The following TMEM209 variants were observed in gnomAD, a reference collection of about 807,000 sequenced individuals.
TMEM209 encodes the protein testicular tissue protein Li 202.
Under a neutral mutation model 76.2 loss-of-function variants are expected in TMEM209, and 65 were observed. That is an observed-to-expected ratio of 0.85 (90% CI 0.70 to 1.05). The LOEUF (loss-of-function observed/expected upper bound fraction) is 1.05, where lower values mean the gene tolerates loss of function less well. Ranked by LOEUF, TMEM209 falls within the 50% of genes least tolerant of loss-of-function variation. The pLI is 0.00. For synonymous variants in TMEM209, 239 were observed against 237.6 expected (o/e 1.01, Z -0.06); for missense variants, 623 against 685.5 (o/e 0.91, Z 1.02).
At chr7:130,182,372 G>A (rs912071621) in intron 8 of TMEM209, among the ~76,000 whole-genome samples, 2 of 151,836 alleles carry the variant, frequency 1.3e-5, no homozygotes, top group Non-Finnish European at 1.5e-5. Flanking sequence ...ATAATCTTCA[G>A]TTTACATTTG....
intron 1 of TMEM209, 122 bp downstream of exon 1, chr7:130,205,251 A>G: frequency 1.2e-6 from 2 of 1,607,276 alleles, no homozygotes; most frequent in South Asian, 2.2e-5. Context: ...CTTCCCCTAG[A>G]GAGGCGGAAC....
At chr7:130,196,913 A>G (rs1798003428) in intron 5 of TMEM209, among the ~76,000 whole-genome samples, 1 of 152,216 alleles carries the variant, frequency 6.6e-6, no homozygotes, top group Non-Finnish European at 1.5e-5. Context: ...TGGGAATGTA[A>G]GATGGCATAG....
chr7:130,178,392 C>A lies in TMEM209; in HGVS notation c.1246+10G>T. The stretch of plus-strand genomic sequence containing the variant: ...AGCTCTTATTTTTTTCTCTTCAAAT[C>A]AATAATTACCTTTGATCCTTTCAAA... On this transcript the variant is annotated intron_variant, in intron 10 of 14. Coordinates refer to ENST00000397622, the MANE Select transcript of TMEM209 (RefSeq NM_032842.4). 2 of 1,589,216 alleles carry A rather than the reference C, an allele frequency of 1.3e-6. No homozygotes were observed. The highest frequency in any genetic ancestry group is 2.3e-5 in the South Asian group (2 of 86,816).
At chr7:130,201,693 G>A (rs1798206418) in intron 5 of TMEM209, 157 bp downstream of exon 5, 1 of 911,312 alleles carries the variant, frequency 1.1e-6, no homozygotes, top group African/African-American at 1.7e-5. Flanking sequence ...AAGATGTTGT[G>A]TTTAAGATAT....
At chr7:130,179,956 ACTCTGT>A (rs1797356768) in intron 9 of TMEM209, among the ~76,000 whole-genome samples, 3 of 152,112 alleles carry the variant, frequency 2.0e-5, no homozygotes, top group African/African-American at 7.2e-5. Context: ...AAAGAGCGAG[ACTCTGT>A]CTAGAAAACA....
chr7:130,190,199 C>T (rs35865315), intron 6 of TMEM209, among the ~76,000 whole-genome samples: 28,223 of 152,096 alleles, frequency 0.19, 2,989 homozygotes, highest in Middle Eastern at 0.24. Flanking sequence ...AATGTACTTA[C>T]CACCACTTAA....
At chr7:130,187,204 C>T (rs1797629416) in intron 6 of TMEM209, among the ~76,000 whole-genome samples, 1 of 151,856 alleles carries the variant, frequency 6.6e-6, no homozygotes, top group South Asian at 2.1e-4. Context: ...GATCACCCCA[C>T]TGCACTCCAG....
chr7:130,185,214 C>A lies in TMEM209; in HGVS notation c.929G>T (p.Ser310Ile). 1.2e-6 allele frequency: 2 copies of A among 1,613,618 alleles called. No individual in the cohort carries two copies. Among genetic ancestry groups the A allele is most frequent in the Non-Finnish European group, 1.7e-6 (2 of 1,179,674 alleles). ...PCANKDEADL[S>I]SKQAAEEVWA... ...TACCTCTTCTGCGGCTTGTTTAGAGCTGAGATCGGCTTCATCTTTGTTAGC... is the reference window on the plus strand; with the variant it reads ...TACCTCTTCTGCGGCTTGTTTAGAGATGAGATCGGCTTCATCTTTGTTAGC... Residue 310 changes from serine (S) to isoleucine (I), a missense_variant, in exon 7 of 15, where the codon AGC becomes ATC. Ser to Ile is a moderately radical substitution (Grantham distance 142). Coordinates refer to ENST00000397622, the MANE Select transcript of TMEM209 (RefSeq NM_032842.4).
chr7:130,202,511 C>T, intron 4 of TMEM209, 21 bp downstream of exon 4: 1 of 1,583,308 alleles, frequency 6.3e-7, no homozygotes, highest in Middle Eastern at 1.7e-4. Context: ...CCCACCTTTG[C>T]AAGAGATATA....
chr7:130,204,193 G>A (rs181880597), intron 1 of TMEM209, 83 bp from the exon 2 acceptor site: 68 of 1,446,404 alleles, frequency 4.7e-5, no homozygotes, highest in Non-Finnish European at 6.0e-5. Flanking sequence ...CCCTTATAAA[G>A]GTAACTGAAA....
chr7:130,195,547 T>A (rs889549378), intron 5 of TMEM209, among the ~76,000 whole-genome samples: 1 of 152,044 alleles, frequency 6.6e-6, no homozygotes, highest in African/African-American at 2.4e-5. Flanking sequence ...TTAAATGAAC[T>A]CTTGAATATA....
intron 10 of TMEM209, among the ~76,000 whole-genome samples, chr7:130,175,841 T>A (rs1797218600): frequency 6.6e-6 from 1 of 152,032 alleles, no homozygotes; most frequent in Non-Finnish European, 1.5e-5. Flanking sequence ...TTTGGCTTCT[T>A]AAAAAAAGAG....
Position 130,203,788 on chromosome 7 carries a change from C to T in TMEM209, c.199G>A (p.Glu67Lys). ...GTTACAGTGAAAATTACTTACTTAC[C>T]AATATACCAGAGGGGCCAGTATGTC... Reference protein sequence around the residue: ...NVTYWPLWYIELALASLFSLN... With the variant: ...NVTYWPLWYIKLALASLFSLN... The change falls in exon 3 of 15, where the codon GAG (glutamate) becomes AAG (lysine). Residue 67 changes from glutamate to lysine, a missense_variant and splice_region_variant. By Grantham distance (56) the Glu-to-Lys change is moderately conservative. Coordinates refer to ENST00000397622, the MANE Select transcript of TMEM209 (RefSeq NM_032842.4). 6.3e-7 allele frequency: 1 copy of T among 1,599,432 alleles called. No homozygotes were observed. Among genetic ancestry groups the T allele is most frequent in the Admixed American group, 1.7e-5 (1 of 57,874 alleles).
At chr7:130,181,591 G>A in intron 9 of TMEM209, 32 bp downstream of exon 9, 1 of 1,564,200 alleles carries the variant, frequency 6.4e-7, no homozygotes, top group Non-Finnish European at 8.7e-7. Context: ...TTTACTAATA[G>A]AAATCCAACA....
rs1172138922 is a variant in TMEM209, at chr7:130,202,550, A to G, written c.313T>C (p.Leu105=). ...CACTCACCAGCTGTTTTCAACCCTA[A>G]AAGTGTTTGCTGTCCAGGACTAACA... ...LVVSPGQQTL[L]GLKTAVVQTT... Residue 105 remains leucine, a synonymous_variant, in exon 4 of 15, where the codon TTA becomes CTA. Transcript: ENST00000397622. 6 of 1,612,308 alleles carry G rather than the reference A, an allele frequency of 3.7e-6. No individual in the cohort carries two copies. The African/African-American group carries it at 4.0e-5, about 11-fold the overall frequency.
rs750811961 is a variant in TMEM209 at position 130,204,037 on chromosome 7, C to T, written c.77G>A (p.Arg26Lys). The change falls in exon 2 of 15, where the codon AGG becomes AAG. Residue 26 changes from arginine (R) to lysine (K), a missense_variant. Transcript: ENST00000397622. The part of the protein sequence containing the change: ...TIKMRKETEA[R>K]KVVLAWGLLN... The stretch of plus-strand genomic sequence containing the variant: ...GAGTCCCCAGGCTAAGACCACTTTC[C>T]TAGCCTCTGTTTCTTTTCTCATCTT... The T allele has an allele frequency of 2.5e-6, 4 of 1,613,520 alleles. No homozygotes were observed. Among genetic ancestry groups the T allele is most frequent in the Non-Finnish European group, 3.4e-6 (4 of 1,179,674 alleles).
At chr7:130,201,671 C>T in intron 5 of TMEM209, 179 bp downstream of exon 5, 1 of 761,148 alleles carries the variant, frequency 1.3e-6, no homozygotes, top group South Asian at 2.0e-5. Flanking sequence ...CTAATTTTTT[C>T]TCTTTCATTT....
At chr7:130,198,663 A>C (rs754897693) in intron 5 of TMEM209, among the ~76,000 whole-genome samples, 1 of 152,222 alleles carries the variant, frequency 6.6e-6, no homozygotes, top group Non-Finnish European at 1.5e-5. Context: ...TTAAGAATTT[A>C]CCACTGCAAA....
At chr7:130,185,153 T>C (rs375308312) in intron 7 of TMEM209, 39 bp downstream of exon 7, 70 of 1,579,362 alleles carry the variant, frequency 4.4e-5, no homozygotes, top group Non-Finnish European at 5.5e-5. Context: ...TAACAATGCA[T>C]AAATCATAAA....
Sources: allele counts gnomAD v4.1 joint callset (sites outside exome capture counted in the v4.1 genomes callset), GRCh38; gene constraint gnomAD v4.1.1; transcripts MANE v1.5; gene names NCBI Gene and HGNC (gene_info 2026-07-23, HGNC 2026-07-21).